The following RBM5 variants were observed in gnomAD, a reference collection of about 807,000 sequenced individuals.
RBM5 encodes RNA binding motif protein 5.
Under a neutral mutation model 124.6 loss-of-function variants are expected in RBM5, and 15 were observed. The ratio of observed to expected loss-of-function variants is 0.12; its 90% CI spans 0.08 to 0.19. The LOEUF is 0.19. Ranked by LOEUF, RBM5 falls within the 10% of genes least tolerant of loss-of-function variation. RBM5 has a pLI of 1.00. For synonymous variants in RBM5, 337 were observed against 361.2 expected (o/e 0.93, Z 0.76); for missense variants, 580 against 1,026.5 (o/e 0.57, Z 5.94).
At position 50,093,725 on chromosome 3, in the gene RBM5, G is replaced by A. The variant is rs142145196; in HGVS notation, c.189G>A (p.Glu63=). ...DYRDYDSPER[E]RERRNSDRSE... is the part of the protein sequence containing the mutation. ...TTTTGTTTATTGTAACTCAGAGAGA[G>A]CGTGAAAGAAGGAACAGTGACCGAT... The change falls in exon 4 of 25, where the codon GAG becomes GAA. Residue 63 remains glutamate (E), a synonymous_variant. Transcript: ENST00000347869. 4.1e-5 allele frequency: 66 copies of A among 1,612,696 alleles called. No individual in the cohort carries two copies. The highest frequency in any genetic ancestry group is 2.4e-5 in the Non-Finnish European group (28 of 1,178,952).
chr3:50,107,337 C>T, intron 11 of RBM5, 145 bp from the exon 12 acceptor site: 1 of 668,400 alleles, frequency 1.5e-6, no homozygotes, highest in Non-Finnish European at 2.7e-6. Flanking sequence ...AGGAATTTCC[C>T]CATGAAGAGC....
chr3:50,100,044 G>A lies in RBM5; in HGVS notation c.402G>A (p.Arg134=), dbSNP rs2090908523. The A allele has an allele frequency of 1.2e-6, 2 of 1,613,722 alleles. No homozygotes were observed. Among genetic ancestry groups the A allele is most frequent in the African/African-American group, 1.3e-5 (1 of 74,922 alleles). Reference sequence around the variant, plus strand: ...CTGCGGATGTGAGGCTGATGAAGAGGAAAACAGGTGAGAGCTTGCTTAGTT... The same window carrying A: ...CTGCGGATGTGAGGCTGATGAAGAGAAAAACAGGTGAGAGCTTGCTTAGTT... The part of the protein sequence containing the change: ...PQPADVRLMK[R]KTGVSRGFAF... The change falls in exon 5 of 25, where the codon AGG becomes AGA. Residue 134 remains arginine (R), a synonymous_variant. Transcript: ENST00000347869. This position sits in a 1 kb window ranked among gnomAD's most constrained non-coding sequence, Gnocchi z 5.1.
At chr3:50,106,022 G>A (rs1393164496) in intron 10 of RBM5, among the ~76,000 whole-genome samples, 2 of 150,292 alleles carry the variant, frequency 1.3e-5, no homozygotes, top group African/African-American at 2.5e-5. Context: ...GCACCATCTC[G>A]GATCACTGCA....
intron 4 of RBM5, among the ~76,000 whole-genome samples, chr3:50,098,923 G>C (rs2090880951): frequency 6.6e-6 from 1 of 152,106 alleles, no homozygotes; most frequent in Admixed American, 6.6e-5. Flanking sequence ...ATGGAGGCTT[G>C]AGACATCATA....
chr3:50,093,978 G>C lies in RBM5; in HGVS notation c.339+103G>C. On this transcript the variant is annotated intron_variant, in intron 4 of 24. Coordinates refer to ENST00000347869, the MANE Select transcript of RBM5 (RefSeq NM_005778.4). ...TATTGTTTTATCTTAAGCCAATAGAGGTTGAGTATCCCTTATCCAAAATGC... is the reference window on the plus strand; with the variant it reads ...TATTGTTTTATCTTAAGCCAATAGACGTTGAGTATCCCTTATCCAAAATGC... The C allele has an allele frequency of 2.3e-6, 3 of 1,315,722 alleles. No homozygotes were observed. In the Admixed American group the frequency reaches 5.7e-5, roughly 25 times the overall value. The allele number at this position is 1,315,722 out of a possible 1,614,324, so 81.5% of individuals were successfully genotyped here.
chr3:50,104,973 A>G, intron 8 of RBM5, 104 bp from the exon 9 acceptor site: 1 of 887,768 alleles, frequency 1.1e-6, no homozygotes, highest in African/African-American at 1.7e-5. Context: ...GAAAAAAACG[A>G]TTGTTTTGTG....
intron 8 of RBM5, chr3:50,104,568 A>C: frequency 2.3e-6 from 1 of 431,212 alleles, no homozygotes; most frequent in East Asian, 4.3e-5. Flanking sequence ...GCTTGAGTCC[A>C]GGAGTTGAAG....
chr3:50,114,411 G>C (rs867673660), intron 20 of RBM5, 160 bp downstream of exon 20: 1 of 658,284 alleles, frequency 1.5e-6, no homozygotes, highest in Middle Eastern at 4.3e-4. Context: ...CCATGTCGGG[G>C]CTTTGTTTTC....
chr3:50,107,216 C>G lies in RBM5; in HGVS notation c.954-266C>G, dbSNP rs557096684. On this transcript the variant is annotated intron_variant, in intron 11 of 24. Coordinates refer to ENST00000347869, the MANE Select transcript of RBM5 (RefSeq NM_005778.4). ...AATTTCATGTATATAGTGCTTAACT[C>G]TAACACGGTAAATTTCCCTTTTTTT... 5.5e-5 allele frequency: 33 copies of G among 604,884 alleles called. No individual in the cohort carries two copies. The Admixed American group carries it at 9.2e-4, about 17-fold the overall frequency. The allele number at this position is 604,884 out of a possible 1,614,324, so 37.5% of individuals were successfully genotyped here.
chr3:50,091,773 T>G (rs547129570), intron 2 of RBM5, among the ~76,000 whole-genome samples: 3 of 152,326 alleles, frequency 2.0e-5, no homozygotes, highest in African/African-American at 7.2e-5. Context: ...AAAAATAAAC[T>G]TGGACAACAT....
chr3:50,094,146 A>C (rs1575300766), intron 4 of RBM5: 1 of 237,536 alleles, frequency 4.2e-6, no homozygotes. Context: ...TTTATACAAC[A>C]CTTTAAATAA....
intron 15 of RBM5, 80 bp from the exon 16 acceptor site, chr3:50,110,299 C>A: frequency 8.1e-7 from 1 of 1,236,040 alleles, no homozygotes; most frequent in Non-Finnish European, 1.2e-6. Flanking sequence ...GGGAGCCCTT[C>A]CTCCTGGATG....
chr3:50,104,182 T>G lies in RBM5; in HGVS notation c.568-66T>G, dbSNP rs2090992446. On this transcript the variant is annotated intron_variant, in intron 7 of 24. Transcript: ENST00000347869. ...TACTGGGACCTACCCGTGGCCCCAC[T>G]GTTATTGTTACTAGAAAGCCTGGCC... 5 of 1,413,082 alleles carry G rather than the reference T, an allele frequency of 3.5e-6. No homozygotes were observed. In the Admixed American group the frequency reaches 6.9e-5, roughly 20 times the overall value. 87.5% of individuals were successfully genotyped at this position (1,413,082 alleles called of 1,614,324 possible).
chr3:50,115,749 G>A, intron 21 of RBM5, 142 bp downstream of exon 21: 1 of 1,210,778 alleles, frequency 8.3e-7, no homozygotes, highest in Admixed American at 2.3e-5. Context: ...ACAGTGGACG[G>A]AGTCTGGCAG....
intron 22 of RBM5, 70 bp downstream of exon 22, chr3:50,116,050 T>G (rs1462302179): frequency 7.0e-7 from 1 of 1,437,272 alleles, no homozygotes. Context: ...TTTGTAGCAT[T>G]TAGTTCCAGA....
chr3:50,107,489 G>C lies in RBM5; in HGVS notation c.961G>C (p.Val321Leu). The change falls in exon 12 of 25, where the codon GTC becomes CTC. Residue 321 changes from valine to leucine, a missense_variant. By Grantham distance (32) the Val-to-Leu change is conservative. This residue lies in a region of RBM5 where 42 missense variants were observed against 101.1 expected (regional missense o/e 0.42). Transcript: ENST00000347869. ...DFAKSARKDLVLSDGNRVSAF... is the reference protein window; with the variant it reads ...DFAKSARKDLLLSDGNRVSAF... The stretch of plus-strand genomic sequence containing the variant: ...GGATCTTTGTGGTTTCAGAGACTTG[G>C]TCCTCTCAGATGGTAACCGCGTCAG... 1 of 1,598,420 alleles carries C rather than the reference G, an allele frequency of 6.3e-7. No homozygotes were observed. Among genetic ancestry groups the C allele is most frequent in the South Asian group, 1.1e-5 (1 of 90,694 alleles).
chr3:50,103,211 T>C (rs1186082812), intron 7 of RBM5, 45 bp downstream of exon 7: 4 of 1,419,318 alleles, frequency 2.8e-6, no homozygotes, highest in Non-Finnish European at 3.0e-6. Context: ...CTTTAGGATA[T>C]TGCTGTTTTT....
chr3:50,115,766 A>G, intron 21 of RBM5, 140 bp from the exon 22 acceptor site: 1 of 1,174,316 alleles, frequency 8.5e-7, no homozygotes, highest in Non-Finnish European at 1.2e-6. Flanking sequence ...GCAGCTCCAC[A>G]CACATCAAAC....
chr3:50,097,430 T>A (rs2090842580), intron 4 of RBM5, among the ~76,000 whole-genome samples: 1 of 151,846 alleles, frequency 6.6e-6, no homozygotes, highest in Non-Finnish European at 1.5e-5. Flanking sequence ...AAGTATTGAT[T>A]TGAGTGTTAG....
Sources: gnomAD v4.1 joint callset for allele counts (sites outside exome capture counted in the v4.1 genomes callset) on GRCh38, gnomAD v4.1.1 for gene constraint, gnomAD v4.1.1 regional missense constraint, Gnocchi (gnomAD v3.1) non-coding constraint, MANE v1.5 for transcripts, NCBI Gene and HGNC (gene_info 2026-07-23, HGNC 2026-07-21) for gene names.